Variants in CSMD3 observed in about 807,000 individuals in gnomAD.
The protein encoded by CSMD3 is CUB and sushi domain-containing protein 3.
Under a neutral mutation model 435.2 loss-of-function variants are expected in CSMD3, and 177 were observed. That is an observed-to-expected ratio of 0.41 (90% CI 0.36 to 0.46). The LOEUF is 0.46. Among genes scored for constraint, CSMD3 ranks in the 20% least tolerant of loss-of-function variants. The pLI, the probability that CSMD3 is intolerant of heterozygous loss-of-function variation, is 0.34. For synonymous variants in CSMD3, 1,656 were observed against 1,520.5 expected (o/e 1.09, Z -2.07); for missense variants, 4,265 against 4,504.6 (o/e 0.95, Z 1.52).
chr8:112,464,021 G>A (rs528191259), intron 32 of CSMD3, among the ~76,000 whole-genome samples: 1 of 152,220 alleles, frequency 6.6e-6, no homozygotes, highest in South Asian at 2.1e-4. Context: ...CAGATCACGA[G>A]GTCAGGAGAT....
chr8:113,130,395 T>C (rs1054114852), intron 4 of CSMD3, among the ~76,000 whole-genome samples: 3 of 152,082 alleles, frequency 2.0e-5, no homozygotes, highest in Non-Finnish European at 2.9e-5. Flanking sequence ...AAGTGAGTCA[T>C]CACCAGATCT....
chr8:113,342,331 A>T (rs1299872232), intron 1 of CSMD3, among the ~76,000 whole-genome samples: 2 of 152,188 alleles, frequency 1.3e-5, no homozygotes, highest in Non-Finnish European at 2.9e-5. Context: ...CGCTTTCAAA[A>T]GTATAGAAAT....
chr8:112,720,037 G>A (rs1345622493), intron 13 of CSMD3, among the ~76,000 whole-genome samples: 1 of 152,074 alleles, frequency 6.6e-6, no homozygotes, highest in African/African-American at 2.4e-5. Flanking sequence ...CGTGGTCATC[G>A]GGTTTCTCTG....
At chr8:112,366,577 T>G (rs1306383259) in intron 38 of CSMD3, among the ~76,000 whole-genome samples, 1 of 152,144 alleles carries the variant, frequency 6.6e-6, no homozygotes, top group Non-Finnish European at 1.5e-5. Context: ...TTTGTATTTT[T>G]GGTAGAGATA....
intron 9 of CSMD3, among the ~76,000 whole-genome samples, chr8:112,939,198 T>C (rs1156749234): frequency 6.6e-6 from 1 of 152,106 alleles, no homozygotes; most frequent in Non-Finnish European, 1.5e-5. Context: ...TGGGAAGTTT[T>C]AAGTGAGTAA....
In CSMD3 at chr8:112,291,522, G is replaced by A. The variant is rs1267425496; in HGVS notation, c.8962C>T (p.Pro2988Ser). The A allele has an allele frequency of 6.2e-7, 1 of 1,604,066 alleles. No individual in the cohort carries two copies. Among genetic ancestry groups the A allele is most frequent in the Non-Finnish European group, 8.5e-7 (1 of 1,171,816 alleles). The change falls in exon 56 of 71, where the codon CCA becomes TCA. Residue 2988 changes from proline to serine, a missense_variant. Physicochemically the swap from Pro to Ser is moderately conservative, Grantham distance 74. Coordinates refer to ENST00000297405, the MANE Select transcript of CSMD3 (RefSeq NM_198123.2). ...ATTATCTACTTACTGATACATTCTG[G>A]TAAAGGTTTGTCCCATTGTCCATTT... The part of the protein sequence containing the change: ...QPNGQWDKPL[P>S]ECIMIDCGHP...
intron 9 of CSMD3, among the ~76,000 whole-genome samples, chr8:112,936,423 CA>C (rs2083282235): frequency 6.6e-6 from 1 of 152,028 alleles, no homozygotes; most frequent in Non-Finnish European, 1.5e-5. Context: ...TTTACATATA[CA>C]TAATAAAGCT....
intron 22 of CSMD3, among the ~76,000 whole-genome samples, chr8:112,619,743 T>C (rs556004644): frequency 6.6e-6 from 1 of 152,196 alleles, no homozygotes; most frequent in Non-Finnish European, 1.5e-5. Context: ...TCTTAAATAA[T>C]CAATTTCTCT....
intron 5 of CSMD3, among the ~76,000 whole-genome samples, chr8:113,061,218 T>A (rs1002119895): frequency 1.3e-5 from 2 of 152,142 alleles, no homozygotes; most frequent in African/African-American, 4.8e-5. Flanking sequence ...TGCATGCACA[T>A]CACTCTTGTG....
chr8:113,135,903 T>A (rs116974315), intron 4 of CSMD3, among the ~76,000 whole-genome samples: 1,993 of 151,852 alleles, frequency 0.013, 27 homozygotes, highest in Admixed American at 0.02. Flanking sequence ...GTATTTTAAG[T>A]CTAATTTAAC....
chr8:112,838,560 T>G (rs528503976), intron 11 of CSMD3, among the ~76,000 whole-genome samples: 2 of 151,136 alleles, frequency 1.3e-5, no homozygotes, highest in African/African-American at 2.4e-5. Flanking sequence ...ATTATAATAG[T>G]TTTTTTTCCC....
At position 112,287,087 on chromosome 8, in the gene CSMD3, G is replaced by C. The variant is rs745623897; in HGVS notation, c.9308C>G (p.Thr3103Ser). ...ACCTTTGCACTCTGGCTGCCTTCCG[G>C]TCCAACTGCCATTAGCTAAACATGT... ...ERTCLANGSWTGRQPECKAVQ... is the reference protein window; with the variant it reads ...ERTCLANGSWSGRQPECKAVQ... Residue 3103 changes from threonine (T) to serine (S), a missense_variant, in exon 58 of 71, where the codon ACC (threonine) becomes AGC (serine). Thr to Ser is a moderately conservative substitution (Grantham distance 58). Around this residue, in one of 3 missense-constraint regions of CSMD3, gnomAD observed 3,255 missense variants for 3,380.2 expected, o/e 0.96. Coordinates refer to ENST00000297405, the MANE Select transcript of CSMD3 (RefSeq NM_198123.2). 5 of 1,613,420 alleles carry C rather than the reference G, an allele frequency of 3.1e-6. No individual in the cohort carries two copies. The Admixed American group carries it at 8.4e-5, about 27-fold the overall frequency.
chr8:112,485,698 C>T (rs577527177), intron 31 of CSMD3, among the ~76,000 whole-genome samples: 3 of 152,080 alleles, frequency 2.0e-5, no homozygotes, highest in Non-Finnish European at 4.4e-5. Flanking sequence ...TTAGAGATGA[C>T]TTTAAAGTTG....
chr8:112,694,722 T>C (rs1342445669), intron 13 of CSMD3, among the ~76,000 whole-genome samples: 2 of 152,138 alleles, frequency 1.3e-5, no homozygotes, highest in Non-Finnish European at 2.9e-5. Context: ...TCTCATAAAT[T>C]GAGATTTTTA....
chr8:112,536,637 A>C (rs978955408), intron 27 of CSMD3, among the ~76,000 whole-genome samples: 5 of 152,080 alleles, frequency 3.3e-5, no homozygotes, highest in African/African-American at 1.2e-4. Context: ...TAGAACTAGA[A>C]ATACCACTTG....
rs1338595102 is a variant in CSMD3 at position 112,685,623 on chromosome 8, T to C, written c.2265A>G (p.Pro755=). The C allele has an allele frequency of 6.2e-7, 1 of 1,613,480 alleles. No homozygotes were observed. The highest frequency in any genetic ancestry group is 1.7e-5 in the Admixed American group (1 of 59,978). ...TGAAAGAAAGATGTATCCGGCTCCCTGGATCAGAGATTATCGTCCAGATGC... is the reference window on the plus strand; with the variant it reads ...TGAAAGAAAGATGTATCCGGCTCCCCGGATCAGAGATTATCGTCCAGATGC... ...LNCIWTIISD[P]GSRIHLSFND... Residue 755 remains proline, a synonymous_variant, in exon 15 of 71, where the codon CCA becomes CCG. Coordinates refer to ENST00000297405, the MANE Select transcript of CSMD3 (RefSeq NM_198123.2).
At chr8:112,518,638 G>C (rs1823949187) in intron 27 of CSMD3, among the ~76,000 whole-genome samples, 1 of 151,586 alleles carries the variant, frequency 6.6e-6, no homozygotes, top group Non-Finnish European at 1.5e-5. Flanking sequence ...GTGAGAGAGA[G>C]AGAGAGAGAG....
At chr8:112,676,591 T>C (rs2075774368) in intron 16 of CSMD3, among the ~76,000 whole-genome samples, 1 of 152,162 alleles carries the variant, frequency 6.6e-6, no homozygotes, top group South Asian at 2.1e-4. Flanking sequence ...GCATCTTTCA[T>C]TTTTGGTCTG....
chr8:112,705,720 T>G (rs1413635169), intron 13 of CSMD3, among the ~76,000 whole-genome samples: 1 of 152,036 alleles, frequency 6.6e-6, no homozygotes, highest in Non-Finnish European at 1.5e-5. Context: ...CAGAATATAT[T>G]TTAAAATTCT....
Sources: allele counts gnomAD v4.1 joint callset (sites outside exome capture counted in the v4.1 genomes callset), GRCh38; gene constraint gnomAD v4.1.1; regional missense constraint gnomAD v4.1.1; transcripts MANE v1.5; gene names NCBI Gene and HGNC (gene_info 2026-07-23, HGNC 2026-07-21).